PHTF2: variants seen among roughly 807,000 people sequenced by gnomAD.
The protein encoded by PHTF2 is protein PHTF2.
Under a neutral mutation model 101.2 loss-of-function variants are expected in PHTF2, and 60 were observed. That is an observed-to-expected ratio of 0.59 (90% CI 0.48 to 0.73). The LOEUF (loss-of-function observed/expected upper bound fraction) is 0.73, where lower values mean the gene tolerates loss of function less well. Among genes scored for constraint, PHTF2 ranks in the 30% least tolerant of loss-of-function variants. The pLI is 0.00. For synonymous variants in PHTF2, 311 were observed against 307.3 expected (o/e 1.01, Z -0.13); for missense variants, 747 against 908.7 (o/e 0.82, Z 2.29).
At chr7:77,888,082 A>G (rs114625780) in intron 3 of PHTF2, among the ~76,000 whole-genome samples, 454 of 152,330 alleles carry the variant, frequency 3.0e-3, no homozygotes, top group African/African-American at 0.01. Flanking sequence ...TCTATCAACA[A>G]AACATTATTT....
intron 12 of PHTF2, among the ~76,000 whole-genome samples, chr7:77,933,460 G>A (rs1280207008): frequency 6.6e-6 from 1 of 152,200 alleles, no homozygotes; most frequent in Non-Finnish European, 1.5e-5. Flanking sequence ...ATGGGAAGTT[G>A]TAGTAGATTC....
In PHTF2 at chr7:77,940,548, CTT is replaced by C; in HGVS notation, c.1763_1764del (p.Phe588TrpfsTer13). On this transcript the variant is annotated frameshift_variant, in exon 15 of 20. Transcript: ENST00000416283. LOFTEE classifies it high-confidence loss of function. ...TTTAGCGATTACTTTTTGCAAAACTCTTTGGACATTTAACATCTGCAAGGAGG... is the reference window on the plus strand; with the variant it reads ...TTTAGCGATTACTTTTTGCAAAACTCTGGACATTTAACATCTGCAAGGAGG... The C allele has an allele frequency of 6.2e-7, 1 of 1,604,048 alleles. No individual in the cohort carries two copies. Among genetic ancestry groups the C allele is most frequent in the Non-Finnish European group, 8.5e-7 (1 of 1,175,230 alleles).
intron 3 of PHTF2, among the ~76,000 whole-genome samples, chr7:77,882,924 G>A (rs1799534339): frequency 6.6e-6 from 1 of 152,026 alleles, no homozygotes; most frequent in Admixed American, 6.6e-5. Flanking sequence ...CTTCTTTAGA[G>A]GTGTGTGTGC....
intron 1 of PHTF2, among the ~76,000 whole-genome samples, chr7:77,819,603 A>T (rs970714477): frequency 1.3e-5 from 2 of 152,144 alleles, no homozygotes; most frequent in Non-Finnish European, 2.9e-5. Flanking sequence ...ATGATGTATT[A>T]TCTTTTTGAT....
At chr7:77,799,240 G>T (rs1019044439) in intron 1 of PHTF2, among the ~76,000 whole-genome samples, 1 of 152,174 alleles carries the variant, frequency 6.6e-6, no homozygotes, top group African/African-American at 2.4e-5. Context: ...CGGTCCTCAA[G>T]TCTTGATGGT....
chr7:77,901,224 G>A (rs1457385891), intron 6 of PHTF2, among the ~76,000 whole-genome samples: 2 of 152,224 alleles, frequency 1.3e-5, no homozygotes, highest in Non-Finnish European at 2.9e-5. Context: ...TATCAGATTT[G>A]AATGGGGACT....
At chr7:77,935,065 A>AT (rs1804963374) in intron 12 of PHTF2, among the ~76,000 whole-genome samples, 1 of 151,338 alleles carries the variant, frequency 6.6e-6, no homozygotes. Context: ...ATTTCATGTG[A>AT]TGCTGTTCTC....
chr7:77,917,721 G>A (rs1803064565), intron 9 of PHTF2, among the ~76,000 whole-genome samples: 1 of 152,116 alleles, frequency 6.6e-6, no homozygotes, highest in South Asian at 2.1e-4. Context: ...TTCCATTATT[G>A]ACTATCACTG....
chr7:77,835,864 A>C (rs552154357), intron 1 of PHTF2, among the ~76,000 whole-genome samples: 2 of 152,294 alleles, frequency 1.3e-5, no homozygotes, highest in Non-Finnish European at 2.9e-5. Context: ...TCACACCTGT[A>C]ATACCAGCAC....
intron 3 of PHTF2, among the ~76,000 whole-genome samples, chr7:77,874,860 C>T (rs1343534952): frequency 1.3e-5 from 2 of 152,130 alleles, no homozygotes; most frequent in Admixed American, 6.5e-5. Context: ...TTTCCCAGCA[C>T]CATTTATTGA....
At chr7:77,863,927 C>T (rs1797852288) in intron 3 of PHTF2, among the ~76,000 whole-genome samples, 1 of 151,942 alleles carries the variant, frequency 6.6e-6, no homozygotes, top group Non-Finnish European at 1.5e-5. Flanking sequence ...CAGGAGTGAG[C>T]CACCATCCCC....
chr7:77,831,568 A>G (rs1040467518), intron 1 of PHTF2, among the ~76,000 whole-genome samples: 2 of 152,228 alleles, frequency 1.3e-5, no homozygotes, highest in East Asian at 1.9e-4. Flanking sequence ...TGACGTTGAC[A>G]ACAAGGCAGT....
intron 3 of PHTF2, among the ~76,000 whole-genome samples, chr7:77,856,793 A>G (rs913499188): frequency 6.6e-6 from 1 of 152,096 alleles, no homozygotes; most frequent in Non-Finnish European, 1.5e-5. Context: ...AAAGTATATG[A>G]GAGGATGTGC....
exon 20 of PHTF2, chr7:77,954,969 G>A: frequency 1.5e-6 from 1 of 650,586 alleles, no homozygotes; most frequent in Non-Finnish European, 2.7e-6. Context: ...TTTGCTTCAG[G>A]AGTCTCAGCT....
chr7:77,900,917 A>G lies in PHTF2; in HGVS notation c.286+137A>G, dbSNP rs184603145. ...ACTTGAGATTGGGTAATTTATAAGA[A>G]AAGAGGCTTAATTGGTTCATGGTTC... is the stretch of plus-strand genomic sequence containing the variant. On this transcript the variant is annotated intron_variant, in intron 6 of 19. Coordinates refer to ENST00000416283, the Ensembl canonical transcript of PHTF2. 252 of 588,392 alleles carry G rather than the reference A, an allele frequency of 4.3e-4. 2 individuals carry two copies. In the East Asian group the frequency reaches 7.3e-3, roughly 17 times the overall value. 36.4% of individuals were successfully genotyped at this position (588,392 alleles called of 1,614,324 possible). A position where few individuals can be genotyped will look rare whatever the true frequency, so the allele number is the denominator to read the frequency against.
rs1792443427 is a variant in PHTF2 at position 77,800,427 on chromosome 7, T to G, written c.-36+1456T>G. 2.6e-5 allele frequency among the ~76,000 whole-genome samples: 4 copies of G among 152,150 alleles called. No homozygotes were observed. The South Asian group carries it at 6.2e-4, about 24-fold the overall frequency. Reference sequence around the variant, plus strand: ...ATGCATCTGATAGTTTTAAGTTAGGTGTTAGTGAGGTGGAGAGTTTTCGTG... The same window carrying G: ...ATGCATCTGATAGTTTTAAGTTAGGGGTTAGTGAGGTGGAGAGTTTTCGTG... On this transcript the variant is annotated intron_variant, in intron 1 of 19. Transcript: ENST00000416283.
intron 1 of PHTF2, among the ~76,000 whole-genome samples, chr7:77,838,861 A>G (rs1230749783): frequency 6.6e-6 from 1 of 152,228 alleles, no homozygotes; most frequent in Non-Finnish European, 1.5e-5. Context: ...AGGAAAGGTT[A>G]TAAAATAATT....
At chr7:77,940,599 T>C (rs758754581) in exon 15 of PHTF2, 1 of 1,607,992 alleles carries the variant, frequency 6.2e-7, no homozygotes, top group East Asian at 2.2e-5. Flanking sequence ...AGGTTCCTCA[T>C]TTCCGGTTGA....
chr7:77,866,456 CTG>C (rs1452712306), intron 3 of PHTF2, among the ~76,000 whole-genome samples: 1 of 152,104 alleles, frequency 6.6e-6, no homozygotes, highest in African/African-American at 2.4e-5. Context: ...CCCTGAGTAT[CTG>C]TTGAACATAC....
Sources: gnomAD v4.1 joint callset for allele counts (sites outside exome capture counted in the v4.1 genomes callset) on GRCh38, gnomAD v4.1.1 for gene constraint, MANE v1.5 for transcripts, NCBI Gene and HGNC (gene_info 2026-07-23, HGNC 2026-07-21) for gene names.